Variants in THADA observed in about 807,000 individuals in gnomAD.
THADA encodes the protein tRNA (32-2'-O)-methyltransferase regulator THADA.
Under a neutral mutation model 219.8 loss-of-function variants are expected in THADA, and 213 were observed. The observed-to-expected ratio is 0.97, with a 90% CI of 0.87 to 1.09. The LOEUF (loss-of-function observed/expected upper bound fraction) is 1.09. Among genes scored for constraint, THADA ranks in the 50% least tolerant of loss-of-function variants. The pLI, the probability that THADA is intolerant of heterozygous loss-of-function variation, is 0.00. For missense variants in THADA, 2,956 were observed against 2,311.3 expected, an observed-to-expected ratio of 1.28 and a Z score of -5.72; for synonymous variants, 1,018 against 828.9, an observed-to-expected ratio of 1.23 and a Z score of -3.92.
At chr2:43,457,314 G>C (rs1320662333) in intron 26 of THADA, among the ~76,000 whole-genome samples, 1 of 152,096 alleles carries the variant, frequency 6.6e-6, no homozygotes, top group African/African-American at 2.4e-5. Context: ...AGTAAAAGTA[G>C]ACACTTCTGT....
At chr2:43,400,671 TAC>T (rs1403514283) in intron 28 of THADA, among the ~76,000 whole-genome samples, 2 of 151,910 alleles carry the variant, frequency 1.3e-5, no homozygotes, top group East Asian at 3.9e-4. Context: ...TGAGTCTCAG[TAC>T]AGTTAAGAAT....
intron 36 of THADA, among the ~76,000 whole-genome samples, chr2:43,278,999 T>A (rs1245186907): frequency 2.6e-5 from 4 of 152,158 alleles, no homozygotes. Context: ...GCACAGAGAA[T>A]CCGAGTCTGC....
intron 26 of THADA, among the ~76,000 whole-genome samples, chr2:43,466,288 G>GA (rs1334630163): frequency 6.6e-6 from 1 of 152,138 alleles, no homozygotes; most frequent in Non-Finnish European, 1.5e-5. Flanking sequence ...ATTCTGAATT[G>GA]AAAAAACATG....
In THADA at chr2:43,292,355, C is replaced by G. The variant is rs1674837333; in HGVS notation, c.4819-133G>C. On this transcript the variant is annotated intron_variant, in intron 32 of 37. Transcript: ENST00000405975. Reference sequence around the variant, plus strand: ...AGGCTCCCACTGACTTCTTATTTCCCCCATAATACCTTTGGGAGACTGAGG... The same window carrying G: ...AGGCTCCCACTGACTTCTTATTTCCGCCATAATACCTTTGGGAGACTGAGG... The G allele has an allele frequency of 5.1e-6, 3 of 590,116 alleles. No homozygotes were observed. The East Asian group carries it at 9.3e-5, about 18-fold the overall frequency. The allele number at this position is 590,116 out of a possible 1,614,324, so 36.6% of individuals were successfully genotyped here.
chr2:43,541,162 C>T lies in THADA; in HGVS notation c.3261G>A (p.Glu1087=). The change falls in exon 21 of 38, where the codon GAG becomes GAA. Residue 1087 remains glutamate (E), a synonymous_variant. Transcript: ENST00000405975. ...GTGGAATAAACATGTGCCTTACCTG[C>T]TCCACCGTCAATAATCCATCAGAAG... The part of the protein sequence containing the change: ...PESSDGLLTV[E]QVKEIGDYFK... The T allele has an allele frequency of 6.4e-7, 1 of 1,568,714 alleles. No individual in the cohort carries two copies. Among genetic ancestry groups the T allele is most frequent in the Non-Finnish European group, 8.6e-7 (1 of 1,163,082 alleles).
chr2:43,469,270 G>C (rs944575064), intron 26 of THADA, among the ~76,000 whole-genome samples: 11 of 152,164 alleles, frequency 7.2e-5, no homozygotes, highest in African/African-American at 2.7e-4. Flanking sequence ...ATTAGAGTGT[G>C]TTTATTTGTT....
intron 30 of THADA, among the ~76,000 whole-genome samples, chr2:43,326,312 A>G (rs1035694250): frequency 3.9e-5 from 6 of 152,144 alleles, no homozygotes; most frequent in Non-Finnish European, 8.8e-5. Context: ...GCCTTGGCAG[A>G]GAGTTGGAGA....
In THADA at chr2:43,291,454, C is replaced by CAAAAAAAAAAAAAAAAA. The variant is rs765352765; in HGVS notation, c.5010+225_5010+241dup. Among the ~76,000 whole-genome samples the CAAAAAAAAAAAAAAAAA allele has an allele frequency of 5.2e-3, 42 of 8,088 alleles. 1 individual carries two copies. The highest frequency in any genetic ancestry group is 6.2e-3 in the Non-Finnish European group (26 of 4,212). The allele number at this position is 8,088 out of a possible 152,430, so 5.3% of individuals were successfully genotyped here. ...GGGCAACAAGAGCAAAACTCCATCTCAAAAAAAAAAAAAAAAAAAAAAAAA... is the reference window on the plus strand; with the variant it reads ...GGGCAACAAGAGCAAAACTCCATCTCAAAAAAAAAAAAAAAAAAAAAAAAAAAAAAAAAAAAAAAAAA... On this transcript the variant is annotated intron_variant, in intron 34 of 37. Coordinates refer to ENST00000405975, the MANE Select transcript of THADA (RefSeq NM_022065.5).
chr2:43,274,581 C>A (rs1327484154), intron 36 of THADA, among the ~76,000 whole-genome samples: 4 of 152,110 alleles, frequency 2.6e-5, no homozygotes, highest in Non-Finnish European at 4.4e-5. Flanking sequence ...GATACAATAA[C>A]CAAATGCTGC....
At chr2:43,296,327 G>C (rs6757900) in intron 31 of THADA, among the ~76,000 whole-genome samples, 23,893 of 151,538 alleles carry the variant, frequency 0.16, 2,364 homozygotes, top group African/African-American at 0.27. Flanking sequence ...CCAGGCTGGA[G>C]TGCAGTGGCA....
At chr2:43,309,176 A>G (rs1202125127) in intron 31 of THADA, among the ~76,000 whole-genome samples, 1 of 152,236 alleles carries the variant, frequency 6.6e-6, no homozygotes, top group Non-Finnish European at 1.5e-5. Context: ...CACTTTACCA[A>G]AAAAGACATA....
At chr2:43,278,766 G>A (rs1673010637) in intron 36 of THADA, among the ~76,000 whole-genome samples, 1 of 152,184 alleles carries the variant, frequency 6.6e-6, no homozygotes, top group Non-Finnish European at 1.5e-5. Context: ...GAGGCTTCCA[G>A]GGAACACAAT....
intron 29 of THADA, among the ~76,000 whole-genome samples, chr2:43,365,193 G>T (rs1010180173): frequency 1.3e-5 from 2 of 152,002 alleles, no homozygotes; most frequent in Admixed American, 6.5e-5. Flanking sequence ...CCAATGTGTT[G>T]GGATTACAGG....
At chr2:43,329,397 A>C (rs1679703222) in intron 30 of THADA, among the ~76,000 whole-genome samples, 1 of 152,208 alleles carries the variant, frequency 6.6e-6, no homozygotes, top group Non-Finnish European at 1.5e-5. Flanking sequence ...AGCTATGTAA[A>C]TCACAAGGGG....
At chr2:43,449,119 AATAG>A (rs1202474765) in intron 26 of THADA, among the ~76,000 whole-genome samples, 15 of 152,154 alleles carry the variant, frequency 9.9e-5, no homozygotes, top group Admixed American at 1.3e-4. Context: ...AATATTAATA[AATAG>A]ATAGAAACCT....
At chr2:43,349,225 C>G (rs1667980833) in intron 29 of THADA, among the ~76,000 whole-genome samples, 1 of 152,028 alleles carries the variant, frequency 6.6e-6, no homozygotes, top group Non-Finnish European at 1.5e-5. Context: ...ATTTCTTGCC[C>G]CTGAGATGCA....
intron 22 of THADA, among the ~76,000 whole-genome samples, chr2:43,519,206 A>C (rs1007934333): frequency 3.9e-5 from 6 of 152,086 alleles, no homozygotes; most frequent in African/African-American, 9.7e-5. Flanking sequence ...TCTAAAAACA[A>C]GGCCCATGTT....
rs545546848 is a variant in THADA, at chr2:43,503,947, C to T, written c.3621+1675G>A. ...ATCCAAAAATCTGAAATCAAAAAAG[C>T]TCCAAAATCTGAAACTTTTTAAAGC... On this transcript the variant is annotated intron_variant, in intron 24 of 37. Transcript: ENST00000405975. Among the ~76,000 whole-genome samples, 150 of 152,144 alleles carry T rather than the reference C, an allele frequency of 9.9e-4. 1 individual carries two copies. The highest frequency in any genetic ancestry group is 3.5e-3 in the African/African-American group (145 of 41,522).
At chr2:43,251,197 A>T (rs1265758883) in intron 36 of THADA, among the ~76,000 whole-genome samples, 1 of 152,218 alleles carries the variant, frequency 6.6e-6, no homozygotes, top group African/African-American at 2.4e-5. Flanking sequence ...TGTGAAACAC[A>T]GTTTTATGCA....
Sources: gnomAD v4.1 joint callset for allele counts (sites outside exome capture counted in the v4.1 genomes callset) on GRCh38, gnomAD v4.1.1 for gene constraint, MANE v1.5 for transcripts, NCBI Gene and HGNC (gene_info 2026-07-23, HGNC 2026-07-21) for gene names.